The following AKAP12 variants were observed in gnomAD, a reference collection of about 807,000 sequenced individuals.
AKAP12 encodes A-kinase anchor protein 12.
A neutral mutation model predicts 79.9 loss-of-function variants in AKAP12; 32 were observed. The ratio of observed to expected loss-of-function variants is 0.40; its 90% CI spans 0.30 to 0.54. AKAP12 has a LOEUF of 0.54. AKAP12 is among the 20% of genes least tolerant of loss of function. The pLI, the probability that AKAP12 is intolerant of heterozygous loss-of-function variation, is 0.48. For synonymous variants in AKAP12, 808 were observed against 857.0 expected (o/e 0.94, Z 1.00); for missense variants, 2,074 against 2,177.0 (o/e 0.95, Z 0.94).
rs753201309 is a variant in AKAP12 at position 151,348,764 on chromosome 6, G to C, written c.373G>C (p.Ala125Pro). 2 of 1,430,378 alleles carry C rather than the reference G, an allele frequency of 1.4e-6. No homozygotes were observed. The highest frequency in any genetic ancestry group is 1.9e-5 in the Admixed American group (1 of 51,324). 88.6% of individuals were successfully genotyped at this position (1,430,378 alleles called of 1,614,324 possible). A position where few individuals can be genotyped will look rare whatever the true frequency, so the allele number is the denominator to read the frequency against. ...CAAAAGAGACTCCGATAAAGAGATG[G>C]CTACTAAGTCAGCGGTTGTTCACGA... ...VSKRDSDKEM[A>P]TKSAVVHDIT... Residue 125 changes from alanine to proline, a missense_variant, in exon 4 of 5, where the codon GCT becomes CCT. Ala to Pro is a conservative substitution (Grantham distance 27). This residue lies in a region of AKAP12 where 1,428 missense variants were observed against 1,451.0 expected (regional missense o/e 0.98). Transcript: ENST00000402676.
Position 151,352,491 on chromosome 6 carries a change from C to G in AKAP12, c.4100C>G (p.Ser1367Cys). ...KLEHETAVTVSEEVSKQLLQT... is the reference protein window; with the variant it reads ...KLEHETAVTVCEEVSKQLLQT... ...GAGCACGAAACAGCTGTTACCGTAT[C>G]TGAAGAGGTCAGTAAGCAGCTCCTC... Residue 1367 changes from serine (S) to cysteine (C), a missense_variant, in exon 4 of 5, where the codon TCT becomes TGT. Ser to Cys is a moderately radical substitution (Grantham distance 112). Coordinates refer to ENST00000402676, the MANE Select transcript of AKAP12 (RefSeq NM_005100.4). 1 of 1,614,190 alleles carries G rather than the reference C, an allele frequency of 6.2e-7. No individual in the cohort carries two copies. Among genetic ancestry groups the G allele is most frequent in the Non-Finnish European group, 8.5e-7 (1 of 1,180,038 alleles).
In AKAP12 at chr6:151,350,175, G is replaced by C. The variant is rs1778238880; in HGVS notation, c.1784G>C (p.Gly595Ala). ...CAGCAGGATGGGGAAGCTGAAGAAG[G>C]AGCTACTTCCGATGGAGAGAAAAAA... ...EVQQDGEAEE[G>A]ATSDGEKKRE... The change falls in exon 4 of 5, where the codon GGA becomes GCA. Residue 595 changes from glycine to alanine, a missense_variant. This residue lies in a region of AKAP12 where 1,428 missense variants were observed against 1,451.0 expected (regional missense o/e 0.98). Transcript: ENST00000402676. This position sits in a 1 kb window ranked among gnomAD's most constrained non-coding sequence, Gnocchi z 4.8. 1.2e-6 allele frequency: 2 copies of C among 1,613,936 alleles called. No homozygotes were observed. Among genetic ancestry groups the C allele is most frequent in the Admixed American group, 3.3e-5 (2 of 59,996 alleles).
chr6:151,265,507 G>A (rs1199161038), intron 2 of AKAP12, among the ~76,000 whole-genome samples: 4 of 152,110 alleles, frequency 2.6e-5, no homozygotes, highest in Non-Finnish European at 5.9e-5. Context: ...AGTCACTGTA[G>A]GGATATAGTG....
chr6:151,307,646 A>G (rs1169347771), intron 3 of AKAP12, among the ~76,000 whole-genome samples: 2 of 152,070 alleles, frequency 1.3e-5, no homozygotes, highest in Non-Finnish European at 2.9e-5. Flanking sequence ...AATCTGTGGC[A>G]TGTTTACTGG....
intron 2 of AKAP12, among the ~76,000 whole-genome samples, chr6:151,291,451 A>G (rs1273793602): frequency 6.6e-6 from 1 of 152,090 alleles, no homozygotes; most frequent in Non-Finnish European, 1.5e-5. Context: ...ATTACCAGCT[A>G]AGAAGGGGTC....
At chr6:151,275,898 G>T (rs17081009) in intron 2 of AKAP12, among the ~76,000 whole-genome samples, 2 of 152,144 alleles carry the variant, frequency 1.3e-5, no homozygotes, top group African/African-American at 2.4e-5. Flanking sequence ...TGAATACCTC[G>T]TTGATCTGGA....
chr6:151,282,746 T>C lies in AKAP12; in HGVS notation c.163-23001T>C, dbSNP rs571216917. Among the ~76,000 whole-genome samples, 24 of 152,326 alleles carry C rather than the reference T, an allele frequency of 1.6e-4. 1 individual carries two copies. In the South Asian group the frequency reaches 4.1e-3, roughly 26 times the overall value. ...TGCTGATTCCCCGACTTCTCTTGTC[T>C]ATTGGTTGAATAATGTTTTCCCTGC... On this transcript the variant is annotated intron_variant, in intron 2 of 4. Coordinates refer to ENST00000402676, the MANE Select transcript of AKAP12 (RefSeq NM_005100.4).
intron 2 of AKAP12, among the ~76,000 whole-genome samples, chr6:151,251,903 A>G (rs1029347123): frequency 6.6e-6 from 1 of 152,280 alleles, no homozygotes; most frequent in African/African-American, 2.4e-5. Context: ...AAGCTGAGGC[A>G]CGAGAAACCC....
chr6:151,351,195 A>T lies in AKAP12; in HGVS notation c.2804A>T (p.Glu935Val), dbSNP rs201799458. The change falls in exon 4 of 5, where the codon GAG becomes GTG. Residue 935 changes from glutamate (E) to valine (V), a missense_variant. Physicochemically the swap from Glu to Val is moderately radical, Grantham distance 121. Transcript: ENST00000402676. This position sits in a 1 kb window ranked among gnomAD's most constrained non-coding sequence, Gnocchi z 4.4. ...VEAEAALLTE[E>V]VLEREVIAEE... ...GCTGAAGCCGCACTGTTAACTGAGGAGGTATTGGAAAGAGAAGTAATTGCA... is the reference window on the plus strand; with the variant it reads ...GCTGAAGCCGCACTGTTAACTGAGGTGGTATTGGAAAGAGAAGTAATTGCA... 3.1e-6 allele frequency: 5 copies of T among 1,614,156 alleles called. No homozygotes were observed. The East Asian group carries it at 1.1e-4, about 36-fold the overall frequency.
intron 3 of AKAP12, among the ~76,000 whole-genome samples, chr6:151,333,818 T>C (rs1298807778): frequency 1.3e-5 from 2 of 151,984 alleles, no homozygotes; most frequent in Non-Finnish European, 2.9e-5. Flanking sequence ...TGGGACTCTT[T>C]ACCTGCAGCA....
In AKAP12 at chr6:151,323,359, T is replaced by C. The variant is rs190478628; in HGVS notation, c.319+17456T>C. 7.1e-3 allele frequency among the ~76,000 whole-genome samples: 1,082 copies of C among 152,296 alleles called. 15 individuals carry two copies. Among genetic ancestry groups the C allele is most frequent in the African/African-American group, 0.025 (1,046 of 41,564 alleles). On this transcript the variant is annotated intron_variant, in intron 3 of 4. Coordinates refer to ENST00000402676, the MANE Select transcript of AKAP12 (RefSeq NM_005100.4). The stretch of plus-strand genomic sequence containing the variant: ...TGAGGTCAGGAGTTCAAGACCAGCC[T>C]GGCCAACACGGTGAAACCCCGTCTC...
At chr6:151,298,220 A>C (rs1046507482) in intron 2 of AKAP12, among the ~76,000 whole-genome samples, 6 of 152,054 alleles carry the variant, frequency 3.9e-5, no homozygotes, top group Non-Finnish European at 2.9e-5. Flanking sequence ...AACCACCTTT[A>C]CCCGCTTTGT....
At chr6:151,292,901 T>G (rs1413226063) in intron 2 of AKAP12, among the ~76,000 whole-genome samples, 2 of 152,226 alleles carry the variant, frequency 1.3e-5, no homozygotes, top group African/African-American at 2.4e-5. Flanking sequence ...AAGTGACAGT[T>G]GTGTAGTGTT....
intron 3 of AKAP12, among the ~76,000 whole-genome samples, chr6:151,344,616 C>G (rs1211359810): frequency 1.3e-5 from 2 of 152,080 alleles, no homozygotes; most frequent in Non-Finnish European, 2.9e-5. Flanking sequence ...TCACTGCAAC[C>G]TCTGCCTCCC....
At position 151,351,901 on chromosome 6, in the gene AKAP12, G is replaced by C. The variant is rs1778303246; in HGVS notation, c.3510G>C (p.Glu1170Asp). The C allele has an allele frequency of 3.1e-6, 5 of 1,614,112 alleles. No individual in the cohort carries two copies. Among genetic ancestry groups the C allele is most frequent in the Non-Finnish European group, 4.2e-6 (5 of 1,180,024 alleles). Reference protein sequence around the residue: ...PDSVETPTDSETDGSTPVADF... With the variant: ...PDSVETPTDSDTDGSTPVADF... The stretch of plus-strand genomic sequence containing the variant: ...CGGTGGAAACCCCTACAGACAGTGA[G>C]ACTGATGGAAGCACCCCCGTAGCCG... Residue 1170 changes from glutamate (E) to aspartate (D), a missense_variant, in exon 4 of 5, where the codon GAG becomes GAC. Around this residue, in one of 3 missense-constraint regions of AKAP12, gnomAD observed 32 missense variants for 60.4 expected, o/e 0.53. Transcript: ENST00000402676. The surrounding 1 kb of genome is among the most constrained non-coding windows in gnomAD (Gnocchi z 4.4).
rs1554326051 is a variant in AKAP12 at position 151,297,024 on chromosome 6, T to TTTTTTG, written c.163-8718_163-8717insGTTTTT. On this transcript the variant is annotated intron_variant, in intron 2 of 4. Transcript: ENST00000402676. The stretch of plus-strand genomic sequence containing the variant: ...GCCTAGGTTGAAATAAAAGGGTTTT[T>TTTTTTG]TTTTTTTTTTTTGCCAGTCTGGATT... Among the ~76,000 whole-genome samples the TTTTTTG allele has an allele frequency of 2.6e-5, 4 of 151,622 alleles. No individual in the cohort carries two copies. The East Asian group carries it at 7.7e-4, about 29-fold the overall frequency.
At chr6:151,283,395 G>A (rs761137) in intron 2 of AKAP12, among the ~76,000 whole-genome samples, 69,682 of 151,998 alleles carry the variant, frequency 0.46, 17,023 homozygotes, top group East Asian at 0.78. Context: ...CTTTTCCAAC[G>A]AGGATGCTAA....
chr6:151,347,052 G>T (rs1048155736), intron 3 of AKAP12, among the ~76,000 whole-genome samples: 1 of 152,030 alleles, frequency 6.6e-6, no homozygotes, highest in Non-Finnish European at 1.5e-5. Flanking sequence ...GTGCCATCGT[G>T]GTGACAATGC....
At position 151,314,571 on chromosome 6, in the gene AKAP12, G is replaced by A. The variant is rs1056112870; in HGVS notation, c.319+8668G>A. On this transcript the variant is annotated intron_variant, in intron 3 of 4. Coordinates refer to ENST00000402676, the MANE Select transcript of AKAP12 (RefSeq NM_005100.4). The stretch of plus-strand genomic sequence containing the variant: ...GGATTGGTTATAGCCAGGGATGGGG[G>A]AAAGAAGTTGGTAAATGCCATAGCT... 4.6e-5 allele frequency among the ~76,000 whole-genome samples: 7 copies of A among 152,246 alleles called. No individual in the cohort carries two copies. In the East Asian group the frequency reaches 1.4e-3, roughly 29 times the overall value.
Sources: gnomAD v4.1 joint callset for allele counts (sites outside exome capture counted in the v4.1 genomes callset) on GRCh38, gnomAD v4.1.1 for gene constraint, gnomAD v4.1.1 regional missense constraint, Gnocchi (gnomAD v3.1) non-coding constraint, MANE v1.5 for transcripts, NCBI Gene and HGNC (gene_info 2026-07-23, HGNC 2026-07-21) for gene names.